The following RB1CC1 variants were observed in gnomAD, a reference collection of about 807,000 sequenced individuals.
RB1CC1 encodes RB1-inducible coiled-coil protein 1.
Under a neutral mutation model 177.5 loss-of-function variants are expected in RB1CC1, and 46 were observed. That is an observed-to-expected ratio of 0.26 (90% confidence interval 0.20 to 0.33). The LOEUF is 0.33. RB1CC1 is among the 10% of genes least tolerant of loss of function. The pLI is 1.00. For missense variants in RB1CC1, 1,703 were observed against 1,816.3 expected (o/e 0.94, Z 1.13); for synonymous variants, 666 against 613.6 (o/e 1.09, Z -1.26).
intron 21 of RB1CC1, 128 bp downstream of exon 21, chr8:52,630,342 C>T: frequency 8.8e-7 from 1 of 1,134,626 alleles, no homozygotes; most frequent in Non-Finnish European, 1.2e-6. Flanking sequence ...AAAACTTTTA[C>T]TACTACTGAG....
intron 1 of RB1CC1, among the ~76,000 whole-genome samples, chr8:52,708,448 C>T (rs916789660): frequency 6.6e-6 from 1 of 152,080 alleles, no homozygotes; most frequent in Non-Finnish European, 1.5e-5. Flanking sequence ...ACCCAGGAGG[C>T]GGAGCTTGCA....
At chr8:52,705,292 G>A (rs972365984) in intron 1 of RB1CC1, among the ~76,000 whole-genome samples, 7 of 152,178 alleles carry the variant, frequency 4.6e-5, no homozygotes, top group Admixed American at 4.6e-4. Context: ...GGGGAGAAAG[G>A]ATCAACTTTT....
intron 1 of RB1CC1, among the ~76,000 whole-genome samples, chr8:52,687,945 G>A (rs772591744): frequency 3.3e-5 from 5 of 152,184 alleles, no homozygotes; most frequent in African/African-American, 4.8e-5. Context: ...CAAACAGAGC[G>A]ACCAGCTGGA....
intron 5 of RB1CC1, among the ~76,000 whole-genome samples, chr8:52,682,414 T>C (rs1046861001): frequency 3.3e-5 from 5 of 152,180 alleles, no homozygotes; most frequent in Non-Finnish European, 7.3e-5. Flanking sequence ...CAGACTGATA[T>C]AGAATGCTTG....
Position 52,658,114 on chromosome 8 carries a change from G to A in RB1CC1, c.1804C>T (p.Leu602Phe), listed in dbSNP as rs777510015. 6.2e-7 allele frequency: 1 copy of A among 1,611,848 alleles called. No homozygotes were observed. Among genetic ancestry groups the A allele is most frequent in the South Asian group, 1.1e-5 (1 of 90,448 alleles). The part of the protein sequence containing the change: ...EVQPFLRVPL[L>F]CDFEPLHQHV... ...TGGTGTAGAGGTTCAAAGTCACAAA[G>A]TAAGGGAACCCTGAAACAGAATGCA... Residue 602 changes from leucine (L) to phenylalanine (F), a missense_variant, in exon 14 of 24, where the codon CTT becomes TTT. Around this residue, in one of 6 missense-constraint regions of RB1CC1, gnomAD observed 1,169 missense variants for 1,184.7 expected, o/e 0.99. Transcript: ENST00000025008.
intron 20 of RB1CC1, among the ~76,000 whole-genome samples, chr8:52,632,697 C>A (rs1194790208): frequency 6.6e-6 from 1 of 152,114 alleles, no homozygotes; most frequent in Non-Finnish European, 1.5e-5. Context: ...GAAAATAAAT[C>A]TTGGGAACCA....
chr8:52,656,762 G>T lies in RB1CC1; in HGVS notation c.3067C>A (p.Gln1023Lys). 1 of 1,613,734 alleles carries T rather than the reference G, an allele frequency of 6.2e-7. No individual in the cohort carries two copies. Among genetic ancestry groups the T allele is most frequent in the Non-Finnish European group, 8.5e-7 (1 of 1,179,902 alleles). ...SLEELKKENQ[Q>K]IINQIQESHA... ...GATTCTTGTATTTGATTAATTATTT[G>T]TTGGTTTTCCTTTTTTAATTCCTCC... The change falls in exon 15 of 24, where the codon CAA (glutamine) becomes AAA (lysine). Residue 1023 changes from glutamine to lysine, a missense_variant. By Grantham distance (53) the Gln-to-Lys change is moderately conservative. Transcript: ENST00000025008.
rs1448870863 is a variant in RB1CC1 at position 52,657,829 on chromosome 8, G to A, written c.2000C>T (p.Ser667Leu). The A allele has an allele frequency of 1.2e-6, 2 of 1,614,064 alleles. No individual in the cohort carries two copies. The highest frequency in any genetic ancestry group is 1.1e-5 in the South Asian group (1 of 91,068). ...AGTCAGTGGTGGAGGAGTTCTCGGT[G>A]AGGTAGTAGTTGTAATTCCTGCTGT... ...ESTAGITTTT[S>L]PRTPPPLTVQ... The change falls in exon 15 of 24, where the codon TCA (serine) becomes TTA (leucine). Residue 667 changes from serine to leucine, a missense_variant. Around this residue, in one of 6 missense-constraint regions of RB1CC1, gnomAD observed 1,169 missense variants for 1,184.7 expected, o/e 0.99. Transcript: ENST00000025008.
At chr8:52,694,417 C>G (rs547426728) in intron 1 of RB1CC1, among the ~76,000 whole-genome samples, 1 of 152,306 alleles carries the variant, frequency 6.6e-6, no homozygotes, top group South Asian at 2.1e-4. Flanking sequence ...CTGATGCCAA[C>G]TGGGCACAAA....
intron 1 of RB1CC1, among the ~76,000 whole-genome samples, chr8:52,687,637 T>G (rs1854387824): frequency 6.6e-6 from 1 of 152,028 alleles, no homozygotes; most frequent in Non-Finnish European, 1.5e-5. Context: ...GAAGCTACAG[T>G]CTCAGTCTGA....
intron 1 of RB1CC1, among the ~76,000 whole-genome samples, chr8:52,713,231 CAT>C (rs1486771630): frequency 2.0e-5 from 3 of 151,940 alleles, no homozygotes; most frequent in African/African-American, 7.3e-5. Context: ...ACAGTGAGCA[CAT>C]GAGTCTTCCT....
chr8:52,709,231 T>C (rs1393273414), intron 1 of RB1CC1, among the ~76,000 whole-genome samples: 1 of 151,894 alleles, frequency 6.6e-6, no homozygotes, highest in Non-Finnish European at 1.5e-5. Context: ...AAAATAAAAA[T>C]ATATTGATCC....
intron 18 of RB1CC1, among the ~76,000 whole-genome samples, chr8:52,638,911 ACT>A (rs1452002170): frequency 6.6e-6 from 1 of 152,040 alleles, no homozygotes; most frequent in Non-Finnish European, 1.5e-5. Context: ...AAGATTACTA[ACT>A]CTATTAATCT....
chr8:52,623,896 T>TGTGGTTTAATCACTCTAG, intron 23 of RB1CC1, 37 bp from the exon 24 acceptor site: 2 of 1,352,614 alleles, frequency 1.5e-6, no homozygotes, highest in Non-Finnish European at 2.1e-6. Flanking sequence ...ACTAGAGTGA[T>TGTGGTTTAATCACTCTAG]TAAACCACAT....
intron 1 of RB1CC1, among the ~76,000 whole-genome samples, chr8:52,688,477 A>G (rs759093147): frequency 5.3e-5 from 8 of 152,164 alleles, no homozygotes; most frequent in African/African-American, 7.2e-5. Flanking sequence ...CAGGCTTACT[A>G]CGGTGGTGGG....
At chr8:52,668,643 C>T (rs1852285100) in intron 7 of RB1CC1, among the ~76,000 whole-genome samples, 1 of 152,152 alleles carries the variant, frequency 6.6e-6, no homozygotes, top group Admixed American at 6.5e-5. Context: ...CTCAATTATG[C>T]TTTCTCACTC....
chr8:52,626,577 TA>T lies in RB1CC1; in HGVS notation c.4636+1454del, dbSNP rs1473832227. Among the ~76,000 whole-genome samples, 2 of 152,198 alleles carry T rather than the reference TA, an allele frequency of 1.3e-5. 1 individual carries two copies. Among genetic ancestry groups the T allele is most frequent in the Admixed American group, 1.3e-4 (2 of 15,276 alleles). ...AATATAGGTTTTCTTTGTACTATAT[TA>T]ATCTTTGCGACGTTTTCTAAGTTTA... is the stretch of plus-strand genomic sequence containing the variant. On this transcript the variant is annotated intron_variant, in intron 22 of 23. Coordinates refer to ENST00000025008, the MANE Select transcript of RB1CC1 (RefSeq NM_014781.5).
chr8:52,708,394 G>C, intron 1 of RB1CC1, among the ~76,000 whole-genome samples: 1 of 152,290 alleles, frequency 6.6e-6, no homozygotes, highest in Middle Eastern at 3.4e-3. Context: ...GCGGATGCCT[G>C]TAGTCCCAGC....
chr8:52,682,332 G>A (rs375316933), intron 5 of RB1CC1, among the ~76,000 whole-genome samples: 1 of 152,142 alleles, frequency 6.6e-6, no homozygotes, highest in Non-Finnish European at 1.5e-5. Flanking sequence ...TCAGCCACGA[G>A]GAACTGTTAA....
Sources: gnomAD v4.1 joint callset for allele counts (sites outside exome capture counted in the v4.1 genomes callset) on GRCh38, gnomAD v4.1.1 for gene constraint, gnomAD v4.1.1 regional missense constraint, MANE v1.5 for transcripts, NCBI Gene and HGNC (gene_info 2026-07-23, HGNC 2026-07-21) for gene names.